Variants in DUSP1 observed in about 807,000 individuals in gnomAD.
DUSP1 encodes dual specificity protein phosphatase 1.
In DUSP1, 10 loss-of-function variants were observed where a neutral mutation model predicts 27.4. The observed-to-expected ratio is 0.37, with a 90% CI of 0.23 to 0.62. The LOEUF is 0.62. DUSP1 is among the 20% of genes least tolerant of loss of function. DUSP1 has a pLI of 0.68. For synonymous variants in DUSP1, 262 were observed against 223.6 expected (o/e 1.17, Z -1.53); for missense variants, 425 against 508.1 (o/e 0.84, Z 1.57).
At chr5:172,770,419 A>G (rs999509587) in intron 1 of DUSP1, 113 bp from the exon 2 acceptor site, 19 of 1,557,054 alleles carry the variant, frequency 1.2e-5, no homozygotes, top group Non-Finnish European at 1.6e-5. Flanking sequence ...GGCCCAGGCA[A>G]GTCTTTGTTT....
rs1759818886 is a variant in DUSP1 at position 172,768,116 on chromosome 5, TTTATTCCA to T, written c.*638_*645del. ...TGAAATTTCAATAGAAATGCCATAA[TTTATTCCA>T]TTGTATAAAAAAGTCATCCTTATGT... is the stretch of plus-strand genomic sequence containing the variant. On this transcript the variant is annotated 3_prime_UTR_variant, in exon 4 of 4. Coordinates refer to ENST00000239223, the MANE Select transcript of DUSP1 (RefSeq NM_004417.4). 6.6e-6 allele frequency: 1 copy of T among 152,618 alleles called. No individual in the cohort carries two copies. Among genetic ancestry groups the T allele is most frequent in the Non-Finnish European group, 1.5e-5 (1 of 68,036 alleles). 9.5% of individuals were successfully genotyped at this position (152,618 alleles called of 1,614,324 possible). A position where few individuals can be genotyped will look rare whatever the true frequency, so the allele number is the denominator to read the frequency against.
chr5:172,770,169 A>G lies in DUSP1; in HGVS notation c.505T>C (p.Tyr169His), dbSNP rs1331968007. ...CAGGGACACCTACTAACCTGATCGT[A>G]GAGTGGGGTACTGCAGGAACTGCAC... The part of the protein sequence containing the change: ...SGCSSCSTPL[Y>H]DQGGPVEILP... The change falls in exon 2 of 4, where the codon TAC (tyrosine) becomes CAC (histidine). Residue 169 changes from tyrosine (Y) to histidine (H), a missense_variant. This residue lies in a region of DUSP1 where 282 missense variants were observed against 319.3 expected (regional missense o/e 0.88). Transcript: ENST00000239223. The G allele has an allele frequency of 1.3e-6, 2 of 1,579,196 alleles. No individual in the cohort carries two copies. Among genetic ancestry groups the G allele is most frequent in the Non-Finnish European group, 1.7e-6 (2 of 1,167,278 alleles).
At chr5:172,770,496 G>C (rs1759870580) in intron 1 of DUSP1, 90 bp downstream of exon 1, 2 of 1,478,504 alleles carry the variant, frequency 1.4e-6, no homozygotes, top group African/African-American at 1.5e-5. Flanking sequence ...CGCGCTGCAG[G>C]TGGGGCGATC....
At chr5:172,769,874 T>C in intron 2 of DUSP1, 80 bp from the exon 3 acceptor site, 1 of 1,484,508 alleles carries the variant, frequency 6.7e-7, no homozygotes. Flanking sequence ...AACTTTCTGC[T>C]GGAAAAGTCA....
intron 2 of DUSP1, 135 bp downstream of exon 2, chr5:172,770,026 G>A: frequency 2.2e-6 from 3 of 1,364,954 alleles, no homozygotes; most frequent in Non-Finnish European, 2.9e-6. Context: ...CCACTTAACT[G>A]TGGAATAAAT....
rs765518198 is a variant in DUSP1 at position 172,770,331 on chromosome 5, T to TC, written c.368-26dup. On this transcript the variant is annotated intron_variant, in intron 1 of 3. Coordinates refer to ENST00000239223, the MANE Select transcript of DUSP1 (RefSeq NM_004417.4). ...CCTGGGAATACAAAGACATTTTTTT[T>TC]CCCCATTAGTGACACCGGGACACGG... The TC allele has an allele frequency of 9.9e-6, 16 of 1,610,228 alleles. No individual in the cohort carries two copies. In the South Asian group the frequency reaches 1.5e-4, roughly 16 times the overall value.
intron 3 of DUSP1, 129 bp downstream of exon 3, chr5:172,769,446 C>G: frequency 9.6e-7 from 1 of 1,044,574 alleles, no homozygotes; most frequent in Non-Finnish European, 1.4e-6. Flanking sequence ...GAATGTTGCC[C>G]ACACCAGACT....
At chr5:172,769,851 C>G (rs574252357) in intron 2 of DUSP1, 57 bp from the exon 3 acceptor site, 3 of 1,553,646 alleles carry the variant, frequency 1.9e-6, no homozygotes, top group Admixed American at 3.8e-5. Flanking sequence ...AGGCCAGTGC[C>G]CATACCCACA....
chr5:172,769,528 A>C, intron 3 of DUSP1, 47 bp downstream of exon 3: 2 of 1,607,936 alleles, frequency 1.2e-6, no homozygotes, highest in Non-Finnish European at 1.7e-6. Flanking sequence ...TAGTGGCTAA[A>C]ATGAGAAGAG....
intron 3 of DUSP1, 30 bp from the exon 4 acceptor site, chr5:172,769,162 T>C (rs899610561): frequency 6.3e-7 from 1 of 1,580,694 alleles, no homozygotes; most frequent in South Asian, 1.1e-5. Flanking sequence ...GCTGGTTACT[T>C]GAGAGTTCAG....
chr5:172,771,009 G>C lies in DUSP1; in HGVS notation c.-57C>G, dbSNP rs1759887261. On this transcript the variant is annotated 5_prime_UTR_variant, in exon 1 of 4. Coordinates refer to ENST00000239223, the MANE Select transcript of DUSP1 (RefSeq NM_004417.4). ...CCTGCGGTGCTCTTTGTCTGTTCTC[G>C]GGGCCAAGGGCAGGGCGGCGCTTTT... 2 of 1,328,450 alleles carry C rather than the reference G, an allele frequency of 1.5e-6. No individual in the cohort carries two copies. Among genetic ancestry groups the C allele is most frequent in the Non-Finnish European group, 9.6e-7 (1 of 1,037,000 alleles). The allele number at this position is 1,328,450 out of a possible 1,614,324, so 82.3% of individuals were successfully genotyped here. A position where few individuals can be genotyped will look rare whatever the true frequency, so the allele number is the denominator to read the frequency against.
chr5:172,769,488 A>C (rs192910418), intron 3 of DUSP1, 87 bp downstream of exon 3: 3 of 1,438,706 alleles, frequency 2.1e-6, no homozygotes, highest in Non-Finnish European at 2.9e-6. Context: ...GGCTCAGAAA[A>C]CTTCAAGCTC....
chr5:172,768,730 G>A lies in DUSP1; in HGVS notation c.*32C>T, dbSNP rs768740190. 1 of 1,494,560 alleles carries A rather than the reference G, an allele frequency of 6.7e-7. No homozygotes were observed. Among genetic ancestry groups the A allele is most frequent in the African/African-American group, 1.4e-5 (1 of 70,984 alleles). 92.6% of individuals were successfully genotyped at this position (1,494,560 alleles called of 1,614,324 possible). A position where few individuals can be genotyped will look rare whatever the true frequency, so the allele number is the denominator to read the frequency against. On this transcript the variant is annotated 3_prime_UTR_variant, in exon 4 of 4. Coordinates refer to ENST00000239223, the MANE Select transcript of DUSP1 (RefSeq NM_004417.4). ...CTCTCAAGGAGCATGGAGTCCCAAT[G>A]GGATGTGAAGAGCCTCACCTCCCGT...
At chr5:172,769,155 G>A in intron 3 of DUSP1, 23 bp from the exon 4 acceptor site, 2 of 1,585,572 alleles carry the variant, frequency 1.3e-6, no homozygotes, top group South Asian at 1.1e-5. Flanking sequence ...AGGAGCGGCT[G>A]GTTACTTGAG....
rs991314542 is a variant in DUSP1, at chr5:172,768,715, G to A, written c.*47C>T. The A allele has an allele frequency of 3.4e-6, 5 of 1,477,726 alleles. No individual in the cohort carries two copies. The highest frequency in any genetic ancestry group is 4.5e-6 in the Non-Finnish European group (5 of 1,112,292). 91.5% of individuals were successfully genotyped at this position (1,477,726 alleles called of 1,614,324 possible). A position where few individuals can be genotyped will look rare whatever the true frequency, so the allele number is the denominator to read the frequency against. On this transcript the variant is annotated 3_prime_UTR_variant, in exon 4 of 4. Transcript: ENST00000239223. ...GTTATTGCATTTCTCCTCTCAAGGA[G>A]CATGGAGTCCCAATGGGATGTGAAG...
Position 172,768,578 on chromosome 5 carries a change from T to C in DUSP1, c.*184A>G, listed in dbSNP as rs2113422060. ...CACTATATATTGGTCCCGAATGTGCTGAGTTCAGCAAATGTCTTGACGCTA... is the reference window on the plus strand; with the variant it reads ...CACTATATATTGGTCCCGAATGTGCCGAGTTCAGCAAATGTCTTGACGCTA... On this transcript the variant is annotated 3_prime_UTR_variant, in exon 4 of 4. Coordinates refer to ENST00000239223, the MANE Select transcript of DUSP1 (RefSeq NM_004417.4). 2.7e-6 allele frequency: 2 copies of C among 751,428 alleles called. No homozygotes were observed. Among genetic ancestry groups the C allele is most frequent in the Non-Finnish European group, 3.8e-6 (2 of 533,226 alleles). The allele number at this position is 751,428 out of a possible 1,614,324, so 46.5% of individuals were successfully genotyped here.
At position 172,771,050 on chromosome 5, in the gene DUSP1, C is replaced by T; in HGVS notation, c.-98G>A. The T allele has an allele frequency of 7.6e-7, 1 of 1,312,536 alleles. No homozygotes were observed. 81.3% of individuals were successfully genotyped at this position (1,312,536 alleles called of 1,614,324 possible). On this transcript the variant is annotated 5_prime_UTR_variant, in exon 1 of 4. Transcript: ENST00000239223. ...CGGCGCTTTTCGAGGAAAAGCTAGA[C>T]CCCCGGGTCTCTCTGCGCCGAACCA...
In DUSP1 at chr5:172,768,805, A is replaced by C; in HGVS notation, c.1061T>G (p.Leu354Arg). 6.4e-7 allele frequency: 1 copy of C among 1,552,452 alleles called. No individual in the cohort carries two copies. Residue 354 changes from leucine to arginine, a missense_variant, in exon 4 of 4, where the codon CTG becomes CGG. Coordinates refer to ENST00000239223, the MANE Select transcript of DUSP1 (RefSeq NM_004417.4). ...CGTAATGGGGCTCTGAAGGTAGCTC[A>C]GCGCACTGTTCGTGGAGTGGACAGG... ...SIPVHSTNSALSYLQSPITTS... is the reference protein window; with the variant it reads ...SIPVHSTNSARSYLQSPITTS...
At chr5:172,770,133 C>T (rs768061333) in intron 2 of DUSP1, 28 bp downstream of exon 2, 1 of 1,542,692 alleles carries the variant, frequency 6.5e-7, no homozygotes, top group Non-Finnish European at 8.7e-7. Flanking sequence ...GTTCTTACTT[C>T]TTCCCTGTGG....
Sources: gnomAD v4.1 joint callset for allele counts on GRCh38, gnomAD v4.1.1 for gene constraint, gnomAD v4.1.1 regional missense constraint, MANE v1.5 for transcripts, NCBI Gene and HGNC (gene_info 2026-07-23, HGNC 2026-07-21) for gene names.